SMG7: variants seen among roughly 807,000 people sequenced by gnomAD.
SMG7 encodes the protein nonsense-mediated mRNA decay factor SMG7.
In SMG7, 34 loss-of-function variants were observed where a neutral mutation model predicts 148.2. That is an observed-to-expected ratio of 0.23 (90% CI 0.17 to 0.31). The LOEUF (loss-of-function observed/expected upper bound fraction) is 0.31, where lower values mean the gene tolerates loss of function less well. Among genes scored for constraint, SMG7 ranks in the 10% least tolerant of loss-of-function variants. The pLI is 1.00. For missense variants in SMG7, 1,114 were observed against 1,408.4 expected (o/e 0.79, Z 3.35); for synonymous variants, 492 against 515.1 (o/e 0.96, Z 0.61).
Position 183,549,856 on chromosome 1 carries a change from C to A in SMG7, c.3066C>A (p.Pro1022=), listed in dbSNP as rs1219292310. ...SKAELSPSMA[P]QETSLYSLFE... ...CAGAACTCAGTCCCTCAATGGCCCC[C>A]CAGGAAACATCTCTGTATTCCCTTT... The change falls in exon 20 of 23, where the codon CCC becomes CCA. Residue 1022 remains proline (P), a synonymous_variant. Coordinates refer to ENST00000688051, the MANE Select transcript of SMG7 (RefSeq NM_001375584.1). 2 of 1,613,786 alleles carry A rather than the reference C, an allele frequency of 1.2e-6. No individual in the cohort carries two copies. The highest frequency in any genetic ancestry group is 1.6e-4 in the Middle Eastern group (1 of 6,080).
rs570267172 is a variant in SMG7 at position 183,533,587 on chromosome 1, CAG to C, written c.1007-87_1007-86del. The stretch of plus-strand genomic sequence containing the variant: ...AGCTGTAAGATACTCAAGTGTTAAA[CAG>C]AATATAGTAGAAGGCACATAATATT... On this transcript the variant is annotated intron_variant, in intron 9 of 22. Coordinates refer to ENST00000688051, the MANE Select transcript of SMG7 (RefSeq NM_001375584.1). 8.2e-5 allele frequency: 93 copies of C among 1,132,462 alleles called. No homozygotes were observed. In the African/African-American group the frequency reaches 1.3e-3, roughly 16 times the overall value. 70.2% of individuals were successfully genotyped at this position (1,132,462 alleles called of 1,614,324 possible). A position where few individuals can be genotyped will look rare whatever the true frequency, so the allele number is the denominator to read the frequency against.
chr1:183,525,488 G>C (rs1665655181), intron 4 of SMG7, among the ~76,000 whole-genome samples: 1 of 152,196 alleles, frequency 6.6e-6, no homozygotes, highest in South Asian at 2.1e-4. Flanking sequence ...TCCTTTGAAG[G>C]CATTTGGTTG....
intron 1 of SMG7, among the ~76,000 whole-genome samples, chr1:183,495,391 A>G (rs897535236): frequency 6.6e-6 from 1 of 152,196 alleles, no homozygotes; most frequent in Non-Finnish European, 1.5e-5. Context: ...TCTCATTAAT[A>G]AAAAATTTCT....
chr1:183,541,948 C>T (rs775181977), intron 13 of SMG7, 128 bp from the exon 14 acceptor site: 37 of 756,180 alleles, frequency 4.9e-5, no homozygotes, highest in Non-Finnish European at 7.1e-5. Flanking sequence ...CCTGAATCCA[C>T]ATTGTTATAT....
At position 183,552,692 on chromosome 1, in the gene SMG7, G is replaced by A; in HGVS notation, c.*761G>A. 9 of 1,219,692 alleles carry A rather than the reference G, an allele frequency of 7.4e-6. No homozygotes were observed. Among genetic ancestry groups the A allele is most frequent in the Non-Finnish European group, 7.2e-6 (7 of 970,356 alleles). The allele number at this position is 1,219,692 out of a possible 1,614,324, so 75.6% of individuals were successfully genotyped here. The stretch of plus-strand genomic sequence containing the variant: ...ACAGTGTGGGTGGTGGTGCTGGGCT[G>A]GACTAGCAGGTAGACTGCTGTAGGA... On this transcript the variant is annotated 3_prime_UTR_variant, in exon 23 of 23. Coordinates refer to ENST00000688051, the MANE Select transcript of SMG7 (RefSeq NM_001375584.1).
At chr1:183,526,157 T>TA (rs991678400) in intron 4 of SMG7, among the ~76,000 whole-genome samples, 61 of 37,930 alleles carry the variant, frequency 1.6e-3, no homozygotes, top group South Asian at 4.8e-3. Flanking sequence ...TATATATATA[T>TA]TTTTTTTTTT....
chr1:183,516,180 A>G (rs904817267), intron 3 of SMG7, 189 bp downstream of exon 3: 1 of 518,830 alleles, frequency 1.9e-6, no homozygotes, highest in East Asian at 3.3e-5. Context: ...AGGAGGTAAG[A>G]AGAGAAATGT....
rs1034753937 is a variant in SMG7, at chr1:183,545,136, G to A, written c.2194G>A (p.Gly732Arg). The A allele has an allele frequency of 1.9e-6, 3 of 1,613,840 alleles. No homozygotes were observed. In the African/African-American group the frequency reaches 4.0e-5, roughly 22 times the overall value. The change falls in exon 16 of 23, where the codon GGA (glycine) becomes AGA (arginine). Residue 732 changes from glycine (G) to arginine (R), a missense_variant. Transcript: ENST00000688051. ...RPSGPGPMNQ[G>R]PQQSQPPSQQ... ...CTCTGGACCAGGGCCAATGAACCAG[G>A]GACCTCAACAATCACAGCCACCTTC...
chr1:183,523,423 C>T (rs1323929274), intron 4 of SMG7, among the ~76,000 whole-genome samples: 4 of 152,062 alleles, frequency 2.6e-5, no homozygotes, highest in African/African-American at 7.2e-5. Context: ...TTTTATAGTT[C>T]CATGATTATA....
At chr1:183,539,607 A>G (rs1056283439) in intron 12 of SMG7, among the ~76,000 whole-genome samples, 1 of 152,204 alleles carries the variant, frequency 6.6e-6, no homozygotes, top group African/African-American at 2.4e-5. Context: ...AACGTGACCA[A>G]AAACTGAGCT....
intron 22 of SMG7, 102 bp downstream of exon 22, chr1:183,551,292 C>A: frequency 5.4e-6 from 6 of 1,119,726 alleles, no homozygotes. Context: ...TCGGAGTTGA[C>A]TGATACATAG....
At chr1:183,550,079 A>G in intron 20 of SMG7, 156 bp downstream of exon 20, 3 of 625,920 alleles carry the variant, frequency 4.8e-6, no homozygotes, top group Non-Finnish European at 7.9e-6. Flanking sequence ...AAATAGAAAA[A>G]AAAAAAGAAG....
intron 1 of SMG7, among the ~76,000 whole-genome samples, chr1:183,489,836 A>G (rs753766110): frequency 1.3e-5 from 2 of 152,248 alleles, no homozygotes; most frequent in Admixed American, 1.3e-4. Context: ...GAAGTGACCT[A>G]TCGAAAACGT....
At chr1:183,512,685 A>G in intron 1 of SMG7, 152 bp from the exon 2 acceptor site, 1 of 697,420 alleles carries the variant, frequency 1.4e-6, no homozygotes, top group Non-Finnish European at 2.4e-6. Flanking sequence ...ATGTTAAAGT[A>G]GGGATGCTGT....
intron 4 of SMG7, among the ~76,000 whole-genome samples, chr1:183,518,263 A>G (rs998490965): frequency 6.6e-6 from 1 of 152,020 alleles, no homozygotes; most frequent in Admixed American, 6.6e-5. Flanking sequence ...TCTCAATGCA[A>G]ATGTCCATAA....
At chr1:183,473,082 A>T (rs1216633025) in intron 1 of SMG7, 3 of 197,274 alleles carry the variant, frequency 1.5e-5, no homozygotes, top group Non-Finnish European at 3.1e-5. Flanking sequence ...GACGGGGAGG[A>T]AGTCTGCACA....
chr1:183,511,869 A>G (rs1226449236), intron 1 of SMG7, among the ~76,000 whole-genome samples: 2 of 152,158 alleles, frequency 1.3e-5, no homozygotes, highest in Non-Finnish European at 2.9e-5. Context: ...TGGAGTTGAT[A>G]GATGTTAGGG....
chr1:183,522,340 A>G (rs1240141781), intron 4 of SMG7, among the ~76,000 whole-genome samples: 1 of 152,168 alleles, frequency 6.6e-6, no homozygotes, highest in African/African-American at 2.4e-5. Context: ...CACCATTGCA[A>G]TCAAGAAAAT....
chr1:183,545,396 C>A lies in SMG7; in HGVS notation c.2370+84C>A, dbSNP rs11807740. The A allele has an allele frequency of 0.013, 19,031 of 1,415,982 alleles. 1,941 individuals are homozygous for A. The African/African-American group carries it at 0.23, about 17-fold the overall frequency. The allele number at this position is 1,415,982 out of a possible 1,614,324, so 87.7% of individuals were successfully genotyped here. A position where few individuals can be genotyped will look rare whatever the true frequency, so the allele number is the denominator to read the frequency against. ...TTCAATGTTAGAAATGCTCATTAAA[C>A]TTTGACATACTTCTTGCTTAGATTT... On this transcript the variant is annotated intron_variant, in intron 16 of 22. Transcript: ENST00000688051.
Sources: allele counts gnomAD v4.1 joint callset (sites outside exome capture counted in the v4.1 genomes callset), GRCh38; gene constraint gnomAD v4.1.1; transcripts MANE v1.5; gene names NCBI Gene and HGNC (gene_info 2026-07-23, HGNC 2026-07-21).